Variants in CHD7 observed in about 807,000 individuals in gnomAD.
CHD7 encodes chromodomain helicase DNA binding protein 7.
CHD7 carries 24 observed loss-of-function variants against 307.3 expected under a neutral mutation model. The ratio of observed to expected loss-of-function variants is 0.08; its 90% CI spans 0.06 to 0.11. The LOEUF is 0.11. CHD7 is among the 10% of genes least tolerant of loss of function. The probability of loss-of-function intolerance (pLI) is 1.00; values close to 1 mark genes in which losing one functional copy is unlikely to be tolerated. For missense variants in CHD7, 3,106 were observed against 3,727.1 expected (o/e 0.83, Z 4.34); for synonymous variants, 1,363 against 1,349.9 (o/e 1.01, Z -0.21).
chr8:60,857,854 G>T (rs147868105), intron 34 of CHD7, among the ~76,000 whole-genome samples: 298 of 152,366 alleles, frequency 2.0e-3, no homozygotes, highest in African/African-American at 7.0e-3. Context: ...GGCAGGAAAA[G>T]ACATGGTTGA....
chr8:60,865,414 A>T lies in CHD7; in HGVS notation c.8475A>T (p.Gly2825=). ...ATAACCCTCTGTCAGCTGCTACTGG[A>T]AACACCACTACTGCTTCTAGTCAAG... ...LLNNPLSAAT[G]NTTTASSQGE... Residue 2825 remains glycine (G), a synonymous_variant, in exon 38 of 38, where the codon GGA becomes GGT. Transcript: ENST00000423902. The surrounding 1 kb of genome is among the most constrained non-coding windows in gnomAD (Gnocchi z 4.3). 1 of 1,613,778 alleles carries T rather than the reference A, an allele frequency of 6.2e-7. No homozygotes were observed. The highest frequency in any genetic ancestry group is 1.7e-5 in the Admixed American group (1 of 59,996).
intron 29 of CHD7, 71 bp downstream of exon 29, chr8:60,852,318 G>C (rs765415076): frequency 7.8e-5 from 110 of 1,413,332 alleles, no homozygotes; most frequent in Non-Finnish European, 6.9e-5. Context: ...AGACCCACAA[G>C]AGACAGGACT....
intron 1 of CHD7, among the ~76,000 whole-genome samples, chr8:60,727,291 C>G (rs1164434775): frequency 6.6e-6 from 1 of 152,040 alleles, no homozygotes; most frequent in African/African-American, 2.4e-5. Context: ...CCCTGCCCGG[C>G]TAATTTTTGT....
chr8:60,791,267 A>T (rs1038261273), intron 3 of CHD7, among the ~76,000 whole-genome samples: 1 of 152,182 alleles, frequency 6.6e-6, no homozygotes. Context: ...TGCTGGTGCC[A>T]TTCAGGGCTG....
chr8:60,728,747 G>A (rs1022744385), intron 1 of CHD7, among the ~76,000 whole-genome samples: 1 of 152,068 alleles, frequency 6.6e-6, no homozygotes, highest in African/African-American at 2.4e-5. Context: ...CTTTAAACAG[G>A]ATATCATTTT....
At position 60,714,406 on chromosome 8, in the gene CHD7, G is replaced by GCCCCCCCCCCCCCCCCCC. The variant is rs71245516; in HGVS notation, c.-174-26849_-174-26832dup. 6.8e-4 allele frequency among the ~76,000 whole-genome samples: 12 copies of GCCCCCCCCCCCCCCCCCC among 17,626 alleles called. 4 individuals carry two copies. The highest frequency in any genetic ancestry group is 1.1e-3 in the Non-Finnish European group (9 of 8,178). The allele number at this position is 17,626 out of a possible 152,430, so 11.6% of individuals were successfully genotyped here. On this transcript the variant is annotated intron_variant, in intron 1 of 37. Coordinates refer to ENST00000423902, the MANE Select transcript of CHD7 (RefSeq NM_017780.4). ...CTGACAACATGGCGGCCGGGAGAAGGCCCCCCCCCCCCCCCCCCCCCGCCC... is the reference window on the plus strand; with the variant it reads ...CTGACAACATGGCGGCCGGGAGAAGGCCCCCCCCCCCCCCCCCCCCCCCCCCCCCCCCCCCCCCCGCCC...
At position 60,808,234 on chromosome 8, in the gene CHD7, G is replaced by A. The variant is rs1247579874; in HGVS notation, c.2460G>A (p.Glu820=). Reference sequence around the variant, plus strand: ...TGTTGCAGAAGGAATCTGGAGAGGAGGTAGAAATTGAGGAATTCTATGTGA... The same window carrying A: ...TGTTGCAGAAGGAATCTGGAGAGGAAGTAGAAATTGAGGAATTCTATGTGA... ...SVKKQKESGE[E]VEIEEFYVKY... Residue 820 remains glutamate (E), a synonymous_variant, in exon 7 of 38, where the codon GAG becomes GAA. Transcript: ENST00000423902. 1 of 1,597,614 alleles carries A rather than the reference G, an allele frequency of 6.3e-7. No homozygotes were observed. The highest frequency in any genetic ancestry group is 8.6e-7 in the Non-Finnish European group (1 of 1,168,108).
chr8:60,837,945 G>T, intron 18 of CHD7, 110 bp downstream of exon 18: 1 of 1,280,450 alleles, frequency 7.8e-7, no homozygotes, highest in South Asian at 1.7e-5. Flanking sequence ...AATATTTTAA[G>T]TGTATTTTGT....
At chr8:60,819,232 C>T (rs769297907) in intron 8 of CHD7, among the ~76,000 whole-genome samples, 1 of 152,140 alleles carries the variant, frequency 6.6e-6, no homozygotes, top group Admixed American at 6.5e-5. Flanking sequence ...AGATTACAGG[C>T]GTGAGTCACT....
At chr8:60,820,320 A>G (rs947195375) in intron 9 of CHD7, among the ~76,000 whole-genome samples, 11 of 152,244 alleles carry the variant, frequency 7.2e-5, no homozygotes, top group Non-Finnish European at 1.5e-4. Flanking sequence ...TTGATTTTCA[A>G]TATGAAAGAA....
At chr8:60,714,111 G>C (rs1807424381) in intron 1 of CHD7, among the ~76,000 whole-genome samples, 3 of 152,034 alleles carry the variant, frequency 2.0e-5, no homozygotes, top group Admixed American at 6.5e-5. Flanking sequence ...GGCCGGGCTG[G>C]GCCGCGCTTC....
chr8:60,856,235 A>G, intron 33 of CHD7, 33 bp downstream of exon 33: 5 of 1,498,432 alleles, frequency 3.3e-6, no homozygotes, highest in South Asian at 2.5e-5. Context: ...TGCAGCTTAA[A>G]AGGGAGCTCT....
intron 13 of CHD7, among the ~76,000 whole-genome samples, chr8:60,826,956 G>A (rs1037230188): frequency 4.6e-5 from 7 of 152,146 alleles, no homozygotes; most frequent in South Asian, 2.1e-4. Context: ...AAGCTCCATC[G>A]CCTGAGTTTC....
chr8:60,782,530 G>A (rs764204657), intron 3 of CHD7, among the ~76,000 whole-genome samples: 1 of 152,190 alleles, frequency 6.6e-6, no homozygotes, highest in African/African-American at 2.4e-5. Context: ...TTGGATCATA[G>A]CCATTTAGGA....
At chr8:60,781,786 G>T (rs570964647) in intron 3 of CHD7, among the ~76,000 whole-genome samples, 10 of 152,174 alleles carry the variant, frequency 6.6e-5, no homozygotes, top group Non-Finnish European at 1.2e-4. Context: ...TGGATAAGAA[G>T]GATTATAGAA....
chr8:60,748,125 A>G (rs1277375315), intron 2 of CHD7, among the ~76,000 whole-genome samples: 1 of 152,188 alleles, frequency 6.6e-6, no homozygotes, highest in Non-Finnish European at 1.5e-5. Flanking sequence ...AGGAAGATGC[A>G]GGCAAGAATA....
intron 2 of CHD7, among the ~76,000 whole-genome samples, chr8:60,751,369 C>T (rs548140630): frequency 9.9e-5 from 15 of 152,202 alleles, no homozygotes; most frequent in Non-Finnish European, 1.8e-4. Context: ...TCTTTCAGAA[C>T]GGCAGTCTCT....
At chr8:60,718,920 C>A (rs1204711489) in intron 1 of CHD7, among the ~76,000 whole-genome samples, 1 of 152,178 alleles carries the variant, frequency 6.6e-6, no homozygotes, top group Non-Finnish European at 1.5e-5. Flanking sequence ...TGCTTAGATA[C>A]CATTGTGTTG....
chr8:60,782,637 A>G (rs761909033), intron 3 of CHD7, among the ~76,000 whole-genome samples: 7 of 152,132 alleles, frequency 4.6e-5, no homozygotes, highest in Non-Finnish European at 8.8e-5. Flanking sequence ...TTACTTGTGA[A>G]TTTTCTTTGA....
Sources: allele counts gnomAD v4.1 joint callset (sites outside exome capture counted in the v4.1 genomes callset), GRCh38; gene constraint gnomAD v4.1.1; non-coding constraint Gnocchi (gnomAD v3.1); transcripts MANE v1.5; gene names NCBI Gene and HGNC (gene_info 2026-07-23, HGNC 2026-07-21).